The following GPHN variants were observed in gnomAD, a reference collection of about 807,000 sequenced individuals.
The protein encoded by GPHN is gephyrin.
Under a neutral mutation model 95.5 loss-of-function variants are expected in GPHN, and 17 were observed. That is an observed-to-expected ratio of 0.18 (90% CI 0.12 to 0.27). GPHN has a LOEUF of 0.27. Among genes scored for constraint, GPHN ranks in the 10% least tolerant of loss-of-function variants. The probability of loss-of-function intolerance (pLI) is 1.00; values close to 1 mark genes in which losing one functional copy is unlikely to be tolerated. For missense variants in GPHN, 660 were observed against 978.1 expected, an observed-to-expected ratio of 0.67 and a Z score of 4.34; for synonymous variants, 320 against 322.5, an observed-to-expected ratio of 0.99 and a Z score of 0.08.
chr14:66,592,356 G>A (rs878989768), intron 1 of GPHN, among the ~76,000 whole-genome samples: 1 of 151,866 alleles, frequency 6.6e-6, no homozygotes, highest in South Asian at 2.1e-4. Context: ...TATCATCACA[G>A]TGAACAGGCA....
intron 4 of GPHN, among the ~76,000 whole-genome samples, chr14:66,862,876 A>C (rs1478317618): frequency 1.3e-5 from 2 of 152,158 alleles, no homozygotes; most frequent in Non-Finnish European, 2.9e-5. Context: ...ATCATAGTGA[A>C]ATGGGAAAAA....
chr14:67,125,164 T>C (rs2079223683), intron 17 of GPHN, among the ~76,000 whole-genome samples: 1 of 152,076 alleles, frequency 6.6e-6, no homozygotes, highest in Admixed American at 6.5e-5. Flanking sequence ...GCTTTCTTAG[T>C]CTTAGAGTGC....
intron 2 of GPHN, among the ~76,000 whole-genome samples, chr14:66,683,436 GTGT>G (rs2067129170): frequency 1.4e-4 from 2 of 13,980 alleles, no homozygotes; most frequent in Admixed American, 7.7e-4. Flanking sequence ...TCATATTCTT[GTGT>G]TGTTATGATG....
At chr14:67,694,288 T>G in the GPHN span, among the ~76,000 whole-genome samples, 493 of 152,250 alleles carry the variant, frequency 3.2e-3, 17 homozygotes, top group East Asian at 0.081. Flanking sequence ...CCTTACTGTA[T>G]GTAGCTCCAG....
chr14:67,374,877 T>G, the GPHN span, among the ~76,000 whole-genome samples: 4 of 152,192 alleles, frequency 2.6e-5, no homozygotes, highest in African/African-American at 9.7e-5. Context: ...GTGCTGGGAT[T>G]ACAGAAGTGA....
At chr14:67,466,061 A>G in the GPHN span, among the ~76,000 whole-genome samples, 1 of 152,224 alleles carries the variant, frequency 6.6e-6, no homozygotes, top group South Asian at 2.1e-4. Flanking sequence ...ACACAGTTCC[A>G]TTGTTTAGAG....
At chr14:67,726,930 A>G in the GPHN span, 72 of 1,551,534 alleles carry the variant, frequency 4.6e-5, no homozygotes, top group Non-Finnish European at 5.8e-5. Context: ...CCACATGCTG[A>G]GCCTGGGCTG....
intron 1 of GPHN, among the ~76,000 whole-genome samples, chr14:66,563,467 A>G (rs934530283): frequency 1.3e-5 from 2 of 152,126 alleles, no homozygotes; most frequent in African/African-American, 4.8e-5. Context: ...TTAGCTCTCT[A>G]AATTTTTCTT....
intron 4 of GPHN, among the ~76,000 whole-genome samples, chr14:66,827,597 T>A (rs920684567): frequency 6.8e-4 from 88 of 129,598 alleles, no homozygotes; most frequent in African/African-American, 3.6e-3. Flanking sequence ...TTTTTTTTAT[T>A]TGTTGCTATG....
the GPHN span, chr14:67,570,116 G>A: frequency 2.4e-6 from 2 of 841,612 alleles, no homozygotes; most frequent in South Asian, 2.9e-5. Flanking sequence ...TCTGCACATG[G>A]TGACCCTGCC....
chr14:67,390,545 C>T, the GPHN span: 2 of 775,680 alleles, frequency 2.6e-6, no homozygotes, highest in African/African-American at 3.4e-5. Flanking sequence ...GTGCAGCAGA[C>T]TTTACGGCGG....
chr14:67,329,948 T>C, the GPHN span, among the ~76,000 whole-genome samples: 3 of 149,774 alleles, frequency 2.0e-5, no homozygotes, highest in East Asian at 1.9e-4. Flanking sequence ...AGTTATGTAA[T>C]TGTACTCTGA....
At chr14:67,476,476 A>G in the GPHN span, among the ~76,000 whole-genome samples, 2 of 152,178 alleles carry the variant, frequency 1.3e-5, no homozygotes, top group Non-Finnish European at 2.9e-5. Context: ...AGTCTCAGCT[A>G]CTTGGGAGGC....
the GPHN span, among the ~76,000 whole-genome samples, chr14:67,456,487 A>G: frequency 2.2e-4 from 33 of 152,072 alleles, no homozygotes; most frequent in Non-Finnish European, 3.7e-4. Context: ...CTGCAATCCC[A>G]GACACCTGGG....
chr14:66,764,420 T>C (rs1787239426), intron 2 of GPHN, among the ~76,000 whole-genome samples: 1 of 152,128 alleles, frequency 6.6e-6, no homozygotes, highest in Non-Finnish European at 1.5e-5. Context: ...TTAACTCATA[T>C]AGTTAATCCT....
the GPHN span, chr14:67,616,064 G>T: frequency 3.4e-6 from 1 of 296,860 alleles, no homozygotes; most frequent in Non-Finnish European, 6.7e-6. Context: ...AGAATGAGGA[G>T]GAGGAAAATG....
At chr14:67,446,004 A>C in the GPHN span, 1 of 512,936 alleles carries the variant, frequency 1.9e-6, no homozygotes, top group Non-Finnish European at 3.9e-6. Context: ...AGGGCTTCCC[A>C]GGAAAACCAG....
chr14:67,164,839 G>A (rs575225993), intron 19 of GPHN, among the ~76,000 whole-genome samples: 1 of 151,096 alleles, frequency 6.6e-6, no homozygotes, highest in East Asian at 1.9e-4. Context: ...AGCAAAAGTA[G>A]TATAAACATT....
the GPHN span, chr14:67,221,839 G>T: frequency 6.2e-7 from 1 of 1,609,584 alleles, no homozygotes; most frequent in Non-Finnish European, 8.5e-7. Flanking sequence ...ATGTTTTATT[G>T]TGATCCCTGG....
Sources: allele counts gnomAD v4.1 joint callset (sites outside exome capture counted in the v4.1 genomes callset), GRCh38; gene constraint gnomAD v4.1.1; transcripts MANE v1.5; gene names NCBI Gene and HGNC (gene_info 2026-07-23, HGNC 2026-07-21).